AUTS2: variants seen among roughly 807,000 people sequenced by gnomAD.
AUTS2 encodes autism susceptibility gene 2 protein.
AUTS2 carries 17 observed loss-of-function variants against 112.4 expected under a neutral mutation model. The observed-to-expected ratio is 0.15, with a 90% confidence interval of 0.10 to 0.23. AUTS2 has a LOEUF of 0.23. Ranked by LOEUF, AUTS2 falls within the 10% of genes least tolerant of loss-of-function variation. The pLI is 1.00. For missense variants in AUTS2, 1,510 were observed against 1,701.6 expected, an observed-to-expected ratio of 0.89 and a Z score of 1.98; for synonymous variants, 751 against 702.7, an observed-to-expected ratio of 1.07 and a Z score of -1.09.
chr7:69,611,957 AT>A (rs1457233684), intron 1 of AUTS2, among the ~76,000 whole-genome samples: 6 of 149,068 alleles, frequency 4.0e-5, no homozygotes, highest in African/African-American at 1.5e-4. Context: ...AAAAAAAAAA[AT>A]TGTAAATTAT....
chr7:70,337,307 A>T (rs1471273952), intron 4 of AUTS2, among the ~76,000 whole-genome samples: 1 of 152,248 alleles, frequency 6.6e-6, no homozygotes, highest in East Asian at 1.9e-4. Flanking sequence ...ACCAAATGAT[A>T]AAGAGATTAA....
intron 5 of AUTS2, among the ~76,000 whole-genome samples, chr7:70,465,643 G>A (rs1193514737): frequency 6.6e-6 from 1 of 152,124 alleles, no homozygotes; most frequent in Non-Finnish European, 1.5e-5. Flanking sequence ...CAGTCCTATG[G>A]GCTGCTGCAG....
intron 5 of AUTS2, among the ~76,000 whole-genome samples, chr7:70,540,179 G>T (rs926458052): frequency 6.6e-6 from 1 of 152,088 alleles, no homozygotes; most frequent in African/African-American, 2.4e-5. Flanking sequence ...GTCCTTCTTG[G>T]GTGGTAGGTT....
At chr7:70,655,056 C>T (rs905495351) in intron 5 of AUTS2, among the ~76,000 whole-genome samples, 1 of 152,208 alleles carries the variant, frequency 6.6e-6, no homozygotes. Flanking sequence ...TTTCGGAACT[C>T]GGATTCAGAA....
chr7:70,691,489 G>A (rs563518470), intron 5 of AUTS2, among the ~76,000 whole-genome samples: 2 of 151,546 alleles, frequency 1.3e-5, no homozygotes, highest in South Asian at 2.1e-4. Flanking sequence ...CTAATATATG[G>A]ATTATCAAAT....
chr7:70,486,831 CTGG>C (rs1203194951), intron 5 of AUTS2, among the ~76,000 whole-genome samples: 1 of 149,252 alleles, frequency 6.7e-6, no homozygotes, highest in Non-Finnish European at 1.5e-5. Context: ...GGTGGTGGTG[CTGG>C]TGGTGGTGGT....
At chr7:70,220,455 C>G (rs1300354240) in intron 4 of AUTS2, among the ~76,000 whole-genome samples, 2 of 152,116 alleles carry the variant, frequency 1.3e-5, no homozygotes, top group Non-Finnish European at 2.9e-5. Context: ...AGTCCCTTCC[C>G]TGATGAAGCT....
intron 5 of AUTS2, among the ~76,000 whole-genome samples, chr7:70,615,837 C>G (rs1804337275): frequency 1.3e-5 from 2 of 152,096 alleles, no homozygotes; most frequent in Non-Finnish European, 2.9e-5. Flanking sequence ...CCTTCACCTC[C>G]CAGAATCAAG....
At chr7:70,011,801 A>G (rs1385487688) in intron 2 of AUTS2, among the ~76,000 whole-genome samples, 1 of 152,176 alleles carries the variant, frequency 6.6e-6, no homozygotes, top group Admixed American at 6.5e-5. Flanking sequence ...CAGGGTGGCC[A>G]TGCGACCTTT....
intron 1 of AUTS2, among the ~76,000 whole-genome samples, chr7:69,815,233 C>T (rs1197684188): frequency 6.6e-6 from 1 of 152,152 alleles, no homozygotes; most frequent in African/African-American, 2.4e-5. Context: ...GTGTATTTCC[C>T]TTTACCTTGC....
At chr7:70,099,318 T>C (rs1277794300) in intron 2 of AUTS2, among the ~76,000 whole-genome samples, 1 of 152,208 alleles carries the variant, frequency 6.6e-6, no homozygotes, top group Non-Finnish European at 1.5e-5. Context: ...AAAGGCAGAT[T>C]TTCTTGCACT....
intron 1 of AUTS2, among the ~76,000 whole-genome samples, chr7:69,763,573 C>T (rs1023116643): frequency 2.6e-5 from 4 of 152,190 alleles, no homozygotes; most frequent in African/African-American, 9.7e-5. Flanking sequence ...TTCAGGCAGA[C>T]TAGACCGAGA....
At chr7:70,263,505 T>C (rs1421798776) in intron 4 of AUTS2, among the ~76,000 whole-genome samples, 1 of 152,230 alleles carries the variant, frequency 6.6e-6, no homozygotes. Flanking sequence ...ATATTATTCA[T>C]GTAGCTATTC....
chr7:70,079,176 C>A (rs1369142702), intron 2 of AUTS2, among the ~76,000 whole-genome samples: 2 of 152,156 alleles, frequency 1.3e-5, no homozygotes, highest in African/African-American at 2.4e-5. Flanking sequence ...AACCCAAATA[C>A]CATCTGCCAA....
At chr7:70,300,343 G>A (rs140460337) in intron 4 of AUTS2, among the ~76,000 whole-genome samples, 29 of 152,186 alleles carry the variant, frequency 1.9e-4, no homozygotes, top group East Asian at 5.8e-4. Context: ...TGCGGGCTGC[G>A]GGTTCCACAA....
At chr7:69,846,792 T>C (rs1372720244) in intron 1 of AUTS2, among the ~76,000 whole-genome samples, 1 of 152,218 alleles carries the variant, frequency 6.6e-6, no homozygotes, top group Non-Finnish European at 1.5e-5. Context: ...CAGGCTGGTC[T>C]CAAACTCCTG....
At chr7:70,320,747 G>C (rs138496638) in intron 4 of AUTS2, among the ~76,000 whole-genome samples, 53 of 152,356 alleles carry the variant, frequency 3.5e-4, no homozygotes, top group Non-Finnish European at 6.6e-4. Flanking sequence ...GCACTAGGTA[G>C]GCTCCAGGTT....
intron 4 of AUTS2, among the ~76,000 whole-genome samples, chr7:70,336,944 A>G (rs1178900071): frequency 1.3e-5 from 2 of 151,996 alleles, no homozygotes; most frequent in African/African-American, 4.8e-5. Context: ...TTTGTTTTTT[A>G]GTTTGTAGTT....
chr7:70,397,831 T>G (rs895604003), intron 4 of AUTS2, among the ~76,000 whole-genome samples: 1 of 152,216 alleles, frequency 6.6e-6, no homozygotes. Context: ...TTTGCCTAAC[T>G]CAAGGTTAAA....
Sources: gnomAD v4.1 joint callset for allele counts (sites outside exome capture counted in the v4.1 genomes callset) on GRCh38, gnomAD v4.1.1 for gene constraint, MANE v1.5 for transcripts, NCBI Gene and HGNC (gene_info 2026-07-23, HGNC 2026-07-21) for gene names.